Variants in FBH1 observed in about 807,000 individuals in gnomAD.
FBH1 encodes the protein DNA 3'-5' helicase 1.
In FBH1, 43 loss-of-function variants were observed where a neutral mutation model predicts 115.5. That is an observed-to-expected ratio of 0.37 (90% confidence interval 0.29 to 0.48). The LOEUF is 0.48. Among genes scored for constraint, FBH1 ranks in the 20% least tolerant of loss-of-function variants. The pLI is 0.99. For synonymous variants in FBH1, 524 were observed against 507.8 expected (o/e 1.03, Z -0.43); for missense variants, 1,001 against 1,337.3 (o/e 0.75, Z 3.92).
chr10:5,937,029 A>G, intron 20 of FBH1, 81 bp from the exon 21 acceptor site: 1 of 1,463,076 alleles, frequency 6.8e-7, no homozygotes, highest in South Asian at 1.4e-5. Context: ...GGCAGCTGTG[A>G]TGATAACTCC....
Position 5,915,405 on chromosome 10 carries a change from A to G in FBH1, c.1399A>G (p.Thr467Ala). 1 of 1,614,124 alleles carries G rather than the reference A, an allele frequency of 6.2e-7. No individual in the cohort carries two copies. Among genetic ancestry groups the G allele is most frequent in the South Asian group, 1.1e-5 (1 of 91,074 alleles). ...TCCTTTCCTCCTGGCTTCCCCAGGC[A>G]CTGGGAAGACCTCAACGCTGGTCAA... The part of the protein sequence containing the change: ...QVVKIMAFAG[T>A]GKTSTLVKYA... The change falls in exon 9 of 21, where the codon ACT becomes GCT. Residue 467 changes from threonine to alanine, a missense_variant and splice_region_variant. This residue lies in a region of FBH1 where 521 missense variants were observed against 811.0 expected (regional missense o/e 0.64). Coordinates refer to ENST00000362091, the MANE Select transcript of FBH1 (RefSeq NM_178150.3). This position sits in a 1 kb window ranked among gnomAD's most constrained non-coding sequence, Gnocchi z 5.2.
At position 5,931,559 on chromosome 10, in the gene FBH1, C is replaced by T. The variant is rs146892870; in HGVS notation, c.2829+4018C>T. 4.9e-4 allele frequency among the ~76,000 whole-genome samples: 75 copies of T among 152,252 alleles called. 1 individual carries two copies. The East Asian group carries it at 0.014, about 29-fold the overall frequency. ...TAATAGTATTTATTACTTATTGATA[C>T]TATTCTATGTATTTAAAAATAATAT... On this transcript the variant is annotated intron_variant, in intron 19 of 20. Transcript: ENST00000362091. This position sits in a 1 kb window ranked among gnomAD's most constrained non-coding sequence, Gnocchi z 4.3.
In FBH1 at chr10:5,921,850, G is replaced by A. The variant is rs980140251; in HGVS notation, c.2322+281G>A. On this transcript the variant is annotated intron_variant, in intron 15 of 20. Transcript: ENST00000362091. The surrounding 1 kb of genome is among the most constrained non-coding windows in gnomAD (Gnocchi z 6.4). ...CCCTTGGCAATGCCAGTGAGGCCGC[G>A]GGTTACTGGAAGCTTTTCTAGTCAT... is the stretch of plus-strand genomic sequence containing the variant. 1.3e-5 allele frequency among the ~76,000 whole-genome samples: 2 copies of A among 152,174 alleles called. No homozygotes were observed. The highest frequency in any genetic ancestry group is 2.9e-5 in the Non-Finnish European group (2 of 68,040).
In FBH1 at chr10:5,925,039, AAGCTGTGC is replaced by A. The variant is rs1832557081; in HGVS notation, c.2597-324_2597-317del. On this transcript the variant is annotated intron_variant, in intron 17 of 20. Transcript: ENST00000362091. This position sits in a 1 kb window ranked among gnomAD's most constrained non-coding sequence, Gnocchi z 4.6. Reference sequence around the variant, plus strand: ...AGCTCTGCCACGTGTAATGTCAGGCAAGCTGTGCAGCCCTCTTCTGGGCTCTGTCCCTT... The same window carrying A: ...AGCTCTGCCACGTGTAATGTCAGGCAAGCCCTCTTCTGGGCTCTGTCCCTT... 6.6e-6 allele frequency among the ~76,000 whole-genome samples: 1 copy of A among 152,214 alleles called. No individual in the cohort carries two copies. Among genetic ancestry groups the A allele is most frequent in the Non-Finnish European group, 1.5e-5 (1 of 68,044 alleles).
chr10:5,889,852 C>G (rs1160142978), upstream of FBH1: 4 of 157,512 alleles, frequency 2.5e-5, no homozygotes, highest in Non-Finnish European at 5.5e-5. Context: ...GGCAGCCAGG[C>G]CCAAGCGTGA....
At chr10:5,896,386 G>A (rs1034607755) in intron 1 of FBH1, among the ~76,000 whole-genome samples, 1 of 152,146 alleles carries the variant, frequency 6.6e-6, no homozygotes, top group Non-Finnish European at 1.5e-5. Context: ...TAAAAGCTGA[G>A]GGTTAGCAAA....
At position 5,916,303 on chromosome 10, in the gene FBH1, A is replaced by C; in HGVS notation, c.1635A>C (p.Glu545Asp). 1 of 1,614,234 alleles carries C rather than the reference A, an allele frequency of 6.2e-7. No individual in the cohort carries two copies. The highest frequency in any genetic ancestry group is 1.1e-5 in the South Asian group (1 of 91,084). Residue 545 changes from glutamate to aspartate, a missense_variant, in exon 10 of 21, where the codon GAA becomes GAC. Coordinates refer to ENST00000362091, the MANE Select transcript of FBH1 (RefSeq NM_178150.3). The part of the protein sequence containing the change: ...TPFMVNSVLA[E>D]GKGGFIRAKL... ...TCATGGTCAACTCCGTCCTTGCTGAAGGGAAGGGTGGATTCATAAGAGCCA... is the reference window on the plus strand; with the variant it reads ...TCATGGTCAACTCCGTCCTTGCTGACGGGAAGGGTGGATTCATAAGAGCCA...
At chr10:5,890,225 G>C (rs1230476811), upstream of FBH1, 6 of 354,526 alleles carry the variant, frequency 1.7e-5, no homozygotes, top group Admixed American at 9.6e-5. Flanking sequence ...GGAAGTCGGC[G>C]GGCGTCTCGG....
chr10:5,893,100 G>A (rs1842827213), intron 1 of FBH1, among the ~76,000 whole-genome samples: 1 of 152,214 alleles, frequency 6.6e-6, no homozygotes, highest in African/African-American at 2.4e-5. Flanking sequence ...GAGCTCAGGA[G>A]TTCTAGACCA....
chr10:5,913,842 A>ATGTGTATATGTGCGTCAGCG lies in FBH1; in HGVS notation c.1304+9_1304+28dup. 1.3e-6 allele frequency: 2 copies of ATGTGTATATGTGCGTCAGCG among 1,584,802 alleles called. No individual in the cohort carries two copies. The highest frequency in any genetic ancestry group is 1.7e-6 in the Non-Finnish European group (2 of 1,165,864). ...GAGGAGCCATCTGTCTGGCCAGGGTATGTGTATATGTGCGTCAGCGTGTGT... is the reference window on the plus strand; with the variant it reads ...GAGGAGCCATCTGTCTGGCCAGGGTATGTGTATATGTGCGTCAGCGTGTGTATATGTGCGTCAGCGTGTGT... On this transcript the variant is annotated splice_donor_region_variant and intron_variant, in intron 7 of 20. Coordinates refer to ENST00000362091, the MANE Select transcript of FBH1 (RefSeq NM_178150.3). This position sits in a 1 kb window ranked among gnomAD's most constrained non-coding sequence, Gnocchi z 4.4.
chr10:5,936,313 G>A lies in FBH1; in HGVS notation c.2830-143G>A. 1 of 845,956 alleles carries A rather than the reference G, an allele frequency of 1.2e-6. No individual in the cohort carries two copies. Among genetic ancestry groups the A allele is most frequent in the South Asian group, 1.7e-5 (1 of 58,398 alleles). The allele number at this position is 845,956 out of a possible 1,614,324, so 52.4% of individuals were successfully genotyped here. On this transcript the variant is annotated intron_variant, in intron 19 of 20. Transcript: ENST00000362091. This position sits in a 1 kb window ranked among gnomAD's most constrained non-coding sequence, Gnocchi z 5.6. ...GGCAGGGAAAAGTTAGAGGAAGTAA[G>A]GGAGAACGGGTTAGGCGGGGTTTTT...
chr10:5,890,119 C>T (rs923050168), upstream of FBH1: 2 of 322,834 alleles, frequency 6.2e-6, no homozygotes, highest in South Asian at 1.5e-4. Context: ...GTCAGCACGC[C>T]CCCTCCGGTC....
Position 5,910,820 on chromosome 10 carries a change from G to A in FBH1, c.1021-118G>A. 3.5e-6 allele frequency: 3 copies of A among 850,468 alleles called. No individual in the cohort carries two copies. The highest frequency in any genetic ancestry group is 5.4e-6 in the Non-Finnish European group (3 of 558,854). 52.7% of individuals were successfully genotyped at this position (850,468 alleles called of 1,614,324 possible). On this transcript the variant is annotated intron_variant, in intron 5 of 20. Transcript: ENST00000362091. This position sits in a 1 kb window ranked among gnomAD's most constrained non-coding sequence, Gnocchi z 4.8. ...ACTTGGAAAGTTTGGATTCAGTCCA[G>A]ACAGTCTGTAGCCAGCAGCTGGACC... is the stretch of plus-strand genomic sequence containing the variant.
chr10:5,899,717 G>A (rs952181204), intron 1 of FBH1, among the ~76,000 whole-genome samples: 16 of 152,256 alleles, frequency 1.1e-4, no homozygotes, highest in Admixed American at 5.2e-4. Flanking sequence ...CCATGTTGCC[G>A]CTCTACCTGT....
At chr10:5,891,318 G>A (rs2131807784) in intron 1 of FBH1, among the ~76,000 whole-genome samples, 1 of 152,344 alleles carries the variant, frequency 6.6e-6, no homozygotes, top group African/African-American at 2.4e-5. Context: ...ACTAGTCCAA[G>A]TACCAGCTTT....
chr10:5,894,222 G>A, intron 1 of FBH1: 2 of 985,408 alleles, frequency 2.0e-6, no homozygotes, highest in Non-Finnish European at 2.4e-6. Flanking sequence ...TAGAGCTAAT[G>A]GGGACACAAT....
rs1589120438 is a variant in FBH1 at position 5,932,792 on chromosome 10, A to G, written c.2830-3664A>G. ...GAATATGGCGGCACAATCTTGGCCC[A>G]CTGCAACCTCCGCCTCCCAGGCTCA... On this transcript the variant is annotated intron_variant, in intron 19 of 20. Coordinates refer to ENST00000362091, the MANE Select transcript of FBH1 (RefSeq NM_178150.3). This position sits in a 1 kb window ranked among gnomAD's most constrained non-coding sequence, Gnocchi z 5.9. Among the ~76,000 whole-genome samples the G allele has an allele frequency of 6.6e-6, 1 of 152,124 alleles. No homozygotes were observed. The highest frequency in any genetic ancestry group is 1.5e-5 in the Non-Finnish European group (1 of 68,016).
At position 5,908,948 on chromosome 10, in the gene FBH1, C is replaced by T. The variant is rs1831384307; in HGVS notation, c.777C>T (p.Tyr259=). ...DPLFIPWKKL[Y]HRYLMNEEQA... ...AGTTCATTCCTTGGAAGAAGCTGTA[C>T]CATCGATACCTGATGAATGAAGAGC... Residue 259 remains tyrosine, a synonymous_variant, in exon 4 of 21, where the codon TAC becomes TAT. Coordinates refer to ENST00000362091, the MANE Select transcript of FBH1 (RefSeq NM_178150.3). 1.2e-6 allele frequency: 2 copies of T among 1,614,116 alleles called. No homozygotes were observed. Among genetic ancestry groups the T allele is most frequent in the East Asian group, 2.2e-5 (1 of 44,886 alleles).
chr10:5,925,235 C>T lies in FBH1; in HGVS notation c.2597-132C>T. On this transcript the variant is annotated intron_variant, in intron 17 of 20. Coordinates refer to ENST00000362091, the MANE Select transcript of FBH1 (RefSeq NM_178150.3). The surrounding 1 kb of genome is among the most constrained non-coding windows in gnomAD (Gnocchi z 4.6). ...TCCCGACAGTTGTTTCCTCTTTCCC[C>T]CTTTTCCTACAAAACTGCACTGAGG... The T allele has an allele frequency of 9.3e-7, 1 of 1,071,260 alleles. No individual in the cohort carries two copies. Among genetic ancestry groups the T allele is most frequent in the South Asian group, 1.6e-5 (1 of 62,704 alleles). 66.4% of individuals were successfully genotyped at this position (1,071,260 alleles called of 1,614,324 possible).
Sources: allele counts gnomAD v4.1 joint callset (sites outside exome capture counted in the v4.1 genomes callset), GRCh38; gene constraint gnomAD v4.1.1; regional missense constraint gnomAD v4.1.1; non-coding constraint Gnocchi (gnomAD v3.1); transcripts MANE v1.5; gene names NCBI Gene and HGNC (gene_info 2026-07-23, HGNC 2026-07-21).